Variants in DAB1 observed in about 807,000 individuals in gnomAD.
DAB1 encodes the protein disabled homolog 1.
Under a neutral mutation model 64.6 loss-of-function variants are expected in DAB1, and 15 were observed. The ratio of observed to expected loss-of-function variants is 0.23; its 90% CI spans 0.16 to 0.36. The LOEUF is 0.36. Among genes scored for constraint, DAB1 ranks in the 10% least tolerant of loss-of-function variants. DAB1 has a pLI of 1.00. For synonymous variants in DAB1, 235 were observed against 251.9 expected, an observed-to-expected ratio of 0.93 and a Z score of 0.64; for missense variants, 596 against 706.7, an observed-to-expected ratio of 0.84 and a Z score of 1.78.
intron 1 of DAB1, among the ~76,000 whole-genome samples, chr1:57,412,358 A>G (rs1317803864): frequency 1.3e-5 from 2 of 152,228 alleles, no homozygotes; most frequent in East Asian, 3.9e-4. Context: ...AAAGCTAGAA[A>G]TGATTAAGCT....
At chr1:57,321,623 C>T (rs1455372810) in intron 1 of DAB1, among the ~76,000 whole-genome samples, 1 of 152,128 alleles carries the variant, frequency 6.6e-6, no homozygotes, top group African/African-American at 2.4e-5. Context: ...GCAGGTGATA[C>T]AGTTAAAAGA....
At chr1:58,131,229 C>T (rs1226037844) in intron 5 of DAB1, among the ~76,000 whole-genome samples, 1 of 144,270 alleles carries the variant, frequency 6.9e-6, no homozygotes, top group Non-Finnish European at 1.5e-5. Context: ...TGCTGATACC[C>T]TTTCTTCCAG....
At chr1:57,047,502 C>T (rs1648663030) in intron 9 of DAB1, among the ~76,000 whole-genome samples, 1 of 151,336 alleles carries the variant, frequency 6.6e-6, no homozygotes, top group African/African-American at 2.4e-5. Context: ...TCTGTTCCCA[C>T]CCCCTCACTA....
intron 4 of DAB1, among the ~76,000 whole-genome samples, chr1:58,176,761 C>CCT (rs1656503707): frequency 6.6e-6 from 1 of 152,116 alleles, no homozygotes; most frequent in African/African-American, 2.4e-5. Context: ...AGGCAGATCA[C>CCT]AAGGTCAGGA....
chr1:58,196,797 A>G (rs759137456), intron 4 of DAB1, among the ~76,000 whole-genome samples: 1 of 152,148 alleles, frequency 6.6e-6, no homozygotes, highest in Non-Finnish European at 1.5e-5. Flanking sequence ...TGATCCAATC[A>G]TCTCCCACCA....
intron 7 of DAB1, among the ~76,000 whole-genome samples, chr1:57,603,539 G>T (rs567778596): frequency 3.9e-5 from 6 of 152,272 alleles, no homozygotes; most frequent in African/African-American, 1.4e-4. Context: ...ACCACATCAG[G>T]CATTAAGGTG....
chr1:57,667,471 C>T (rs1646461597), intron 6 of DAB1, among the ~76,000 whole-genome samples: 1 of 152,054 alleles, frequency 6.6e-6, no homozygotes. Context: ...CTCATCCCAT[C>T]CCTACTATAA....
chr1:57,783,554 C>T (rs572256906), intron 6 of DAB1, among the ~76,000 whole-genome samples: 5 of 152,200 alleles, frequency 3.3e-5, no homozygotes, highest in South Asian at 2.1e-4. Flanking sequence ...GTGTCCATTT[C>T]GGCACCTTGC....
At chr1:58,061,292 C>T (rs2025618) in intron 5 of DAB1, among the ~76,000 whole-genome samples, 51,039 of 152,080 alleles carry the variant, frequency 0.34, 9,104 homozygotes, top group East Asian at 0.46. Context: ...TGCCACAAAC[C>T]GGGCGACTTC....
chr1:57,096,926 A>T (rs760544607), intron 4 of DAB1, among the ~76,000 whole-genome samples: 12 of 152,160 alleles, frequency 7.9e-5, no homozygotes, highest in Non-Finnish European at 1.8e-4. Flanking sequence ...CCTATAACAT[A>T]GGAGGGCTTA....
intron 9 of DAB1, among the ~76,000 whole-genome samples, chr1:57,053,688 A>ATATATATATATATAT (rs1447741565): frequency 7.0e-5 from 5 of 71,402 alleles, no homozygotes; most frequent in African/African-American, 2.7e-4. Context: ...ATATATATAT[A>ATATATATATATATAT]TTTTTTTTTT....
chr1:57,414,472 C>T (rs1684345649), intron 1 of DAB1, among the ~76,000 whole-genome samples: 1 of 152,046 alleles, frequency 6.6e-6, no homozygotes, highest in Admixed American at 6.6e-5. Flanking sequence ...GCTATTGCAC[C>T]CTTAACAGAC....
chr1:57,589,833 T>C (rs1021193598), intron 7 of DAB1, among the ~76,000 whole-genome samples: 1 of 152,010 alleles, frequency 6.6e-6, no homozygotes, highest in Non-Finnish European at 1.5e-5. Context: ...TCCCCTTCAA[T>C]AGGGGGAAAA....
intron 3 of DAB1, among the ~76,000 whole-genome samples, chr1:58,369,472 A>T (rs1204495393): frequency 6.6e-6 from 1 of 152,234 alleles, no homozygotes; most frequent in East Asian, 1.9e-4. Flanking sequence ...AGGCACAAAA[A>T]TAATGGTGCG....
At chr1:57,660,971 G>C (rs568851713) in intron 6 of DAB1, among the ~76,000 whole-genome samples, 2 of 152,308 alleles carry the variant, frequency 1.3e-5, no homozygotes, top group East Asian at 3.9e-4. Flanking sequence ...CTGGGAAAGT[G>C]AATTTGCAAT....
At chr1:57,368,478 C>G (rs1359652071) in intron 1 of DAB1, among the ~76,000 whole-genome samples, 1 of 152,164 alleles carries the variant, frequency 6.6e-6, no homozygotes. Context: ...ATAAAAGCCC[C>G]AAGCTCAGCC....
intron 2 of DAB1, among the ~76,000 whole-genome samples, chr1:57,280,986 G>C (rs1226621419): frequency 6.6e-6 from 1 of 152,196 alleles, no homozygotes; most frequent in African/African-American, 2.4e-5. Flanking sequence ...AATGGGGAAA[G>C]TGTGATAATT....
At chr1:57,722,416 C>T (rs951768470) in intron 6 of DAB1, among the ~76,000 whole-genome samples, 12 of 152,206 alleles carry the variant, frequency 7.9e-5, no homozygotes, top group African/African-American at 2.9e-4. Context: ...GGCGTATACA[C>T]TACCACTTGC....
At chr1:57,246,057 T>C (rs1668848501) in intron 2 of DAB1, among the ~76,000 whole-genome samples, 2 of 152,118 alleles carry the variant, frequency 1.3e-5, no homozygotes, top group South Asian at 4.1e-4. Context: ...CCTGACTAGG[T>C]GGTAGAAAAT....
Sources: allele counts gnomAD v4.1 joint callset (sites outside exome capture counted in the v4.1 genomes callset), GRCh38; gene constraint gnomAD v4.1.1; transcripts MANE v1.5; gene names NCBI Gene and HGNC (gene_info 2026-07-23, HGNC 2026-07-21).